Variants in YIPF3 observed in about 807,000 individuals in gnomAD.
YIPF3 encodes protein YIPF3.
Under a neutral mutation model 40.3 loss-of-function variants are expected in YIPF3, and 18 were observed. That is an observed-to-expected ratio of 0.45 (90% CI 0.31 to 0.66). The LOEUF is 0.66. YIPF3 is among the 30% of genes least tolerant of loss of function. The pLI is 0.07. For missense variants in YIPF3, 406 were observed against 452.2 expected (o/e 0.90, Z 0.93); for synonymous variants, 190 against 179.6 (o/e 1.06, Z -0.46).
chr6:43,514,951 T>G (rs192477820), intron 3 of YIPF3, among the ~76,000 whole-genome samples: 5 of 151,850 alleles, frequency 3.3e-5, no homozygotes, highest in African/African-American at 1.2e-4. Flanking sequence ...TAAGAAAGGA[T>G]AGCAGTGGTG....
chr6:43,513,953 A>T (rs547292811), intron 3 of YIPF3: 1 of 239,314 alleles, frequency 4.2e-6, no homozygotes, highest in East Asian at 8.2e-5. Flanking sequence ...CCTTGAAAAG[A>T]CAGGCAGGCT....
Position 43,513,139 on chromosome 6 carries a change from G to A in YIPF3, c.596C>T (p.Ser199Leu). 1 of 1,614,182 alleles carries A rather than the reference G, an allele frequency of 6.2e-7. No individual in the cohort carries two copies. ...GTCFGYWLGV[S>L]SFIYFLAYLC... ...GTAGGCAAGGAAGTAAATGAAGGAT[G>A]AGACTCCCAGCCAGTAGCCGAAGCA... is the stretch of plus-strand genomic sequence containing the variant. Residue 199 changes from serine to leucine, a missense_variant, in exon 6 of 9, where the codon TCA becomes TTA. By Grantham distance (145) the Ser-to-Leu change is moderately radical (BLOSUM62 -2). Coordinates refer to ENST00000372422, the MANE Select transcript of YIPF3 (RefSeq NM_015388.4).
Position 43,513,302 on chromosome 6 carries a change from C to T in YIPF3, c.534+57G>A, listed in dbSNP as rs557741369. ...TCCTGTCTCACTCCACCATTGTATCCTCAGGCAGCTTTCAACCTAGTGCAG... is the reference window on the plus strand; with the variant it reads ...TCCTGTCTCACTCCACCATTGTATCTTCAGGCAGCTTTCAACCTAGTGCAG... On this transcript the variant is annotated intron_variant, in intron 5 of 8. Coordinates refer to ENST00000372422, the MANE Select transcript of YIPF3 (RefSeq NM_015388.4). 2.6e-5 allele frequency: 42 copies of T among 1,613,446 alleles called. No individual in the cohort carries two copies. In the African/African-American group the frequency reaches 4.9e-4, roughly 19 times the overall value.
At chr6:43,512,735 C>A (rs762072025) in intron 7 of YIPF3, 26 bp downstream of exon 7, 1 of 1,605,200 alleles carries the variant, frequency 6.2e-7, no homozygotes, top group Admixed American at 1.7e-5. Context: ...GACAGCCCAC[C>A]CCTGGAAGCC....
Position 43,512,050 on chromosome 6 carries a change from A to G in YIPF3, c.*117T>C. On this transcript the variant is annotated 3_prime_UTR_variant, in exon 9 of 9. Coordinates refer to ENST00000372422, the MANE Select transcript of YIPF3 (RefSeq NM_015388.4). ...ATCAAGGAGGTACTTACGCAGCTACAGCTCAGTGGCAGCTGCAAACCCCAT... is the reference window on the plus strand; with the variant it reads ...ATCAAGGAGGTACTTACGCAGCTACGGCTCAGTGGCAGCTGCAAACCCCAT... The G allele has an allele frequency of 6.8e-7, 1 of 1,480,600 alleles. No individual in the cohort carries two copies. Among genetic ancestry groups the G allele is most frequent in the Non-Finnish European group, 9.2e-7 (1 of 1,089,678 alleles). 91.7% of individuals were successfully genotyped at this position (1,480,600 alleles called of 1,614,324 possible).
Position 43,512,668 on chromosome 6 carries a change from T to C in YIPF3, c.780+93A>G, listed in dbSNP as rs1792697317. ...ACCATCTTTGGGCTCTTCCCTCCCA[T>C]TTAGGGCTCTTTGTGAGATGGACAG... is the stretch of plus-strand genomic sequence containing the variant. On this transcript the variant is annotated intron_variant, in intron 7 of 8. Coordinates refer to ENST00000372422, the MANE Select transcript of YIPF3 (RefSeq NM_015388.4). The C allele has an allele frequency of 1.9e-6, 3 of 1,546,454 alleles. No homozygotes were observed. The Admixed American group carries it at 5.9e-5, about 30-fold the overall frequency.
chr6:43,516,319 T>C (rs1792828474), intron 1 of YIPF3: 3 of 1,038,772 alleles, frequency 2.9e-6, no homozygotes, highest in Non-Finnish European at 4.0e-6. Context: ...TCCATTCATG[T>C]CTTTCTCCTA....
At chr6:43,516,539 CAGGCTGGAGTAGT>C (rs1172224721) in intron 1 of YIPF3, 175 bp downstream of exon 1, 2 of 679,644 alleles carry the variant, frequency 2.9e-6, no homozygotes, top group African/African-American at 1.8e-5. Context: ...CCGAGATCCT[CAGGCTGGAGTAGT>C]AGTCTGGCCC....
chr6:43,516,422 G>A (rs1191665979), intron 1 of YIPF3: 1 of 616,018 alleles, frequency 1.6e-6, no homozygotes, highest in Non-Finnish European at 2.7e-6. Flanking sequence ...TGTTTTCAGC[G>A]AATGCCAGTG....
Position 43,513,360 on chromosome 6 carries a change from A to G in YIPF3, c.533T>C (p.Ile178Thr). 1 of 1,614,176 alleles carries G rather than the reference A, an allele frequency of 6.2e-7. No homozygotes were observed. The highest frequency in any genetic ancestry group is 8.5e-7 in the Non-Finnish European group (1 of 1,180,008). The change falls in exon 5 of 9, where the codon ATC becomes ACC. Residue 178 changes from isoleucine (I) to threonine (T), a missense_variant and splice_region_variant. Transcript: ENST00000372422. ...LHGMKTSDTI[I>T]REGTLMGTAI... Reference sequence around the variant, plus strand: ...CCCAAAGTTGTCTGTCCTGCTTACGATAATAGTGTCAGACGTCTTCATCCC... The same window carrying G: ...CCCAAAGTTGTCTGTCCTGCTTACGGTAATAGTGTCAGACGTCTTCATCCC...
Position 43,512,079 on chromosome 6 carries a change from C to G in YIPF3, c.*88G>C. 1.3e-6 allele frequency: 2 copies of G among 1,568,538 alleles called. No individual in the cohort carries two copies. Among genetic ancestry groups the G allele is most frequent in the South Asian group, 2.4e-5 (2 of 84,612 alleles). On this transcript the variant is annotated 3_prime_UTR_variant, in exon 9 of 9. Transcript: ENST00000372422. The stretch of plus-strand genomic sequence containing the variant: ...CAGTGGCAGCTGCAAACCCCATCTA[C>G]GAAACATGTCATCAGGACTGTCCTT...
At position 43,513,337 on chromosome 6, in the gene YIPF3, C is replaced by G. The variant is rs753382065; in HGVS notation, c.534+22G>C. 5 of 1,613,942 alleles carry G rather than the reference C, an allele frequency of 3.1e-6. No individual in the cohort carries two copies. The Admixed American group carries it at 6.7e-5, about 22-fold the overall frequency. On this transcript the variant is annotated intron_variant, in intron 5 of 8. Transcript: ENST00000372422. Reference sequence around the variant, plus strand: ...TTTCAACCTAGTGCAGCCACCCCCCCAAAGTTGTCTGTCCTGCTTACGATA... The same window carrying G: ...TTTCAACCTAGTGCAGCCACCCCCCGAAAGTTGTCTGTCCTGCTTACGATA...
Position 43,512,019 on chromosome 6 carries a change from A to T in YIPF3, c.*148T>A. ...GGCCTTGTGCCTTTCAGAAGTGCCG[A>T]CAGGCATCAAGGAGGTACTTACGCA... On this transcript the variant is annotated 3_prime_UTR_variant, in exon 9 of 9. Coordinates refer to ENST00000372422, the MANE Select transcript of YIPF3 (RefSeq NM_015388.4). 7.8e-7 allele frequency: 1 copy of T among 1,286,164 alleles called. No individual in the cohort carries two copies. 79.7% of individuals were successfully genotyped at this position (1,286,164 alleles called of 1,614,324 possible). A position where few individuals can be genotyped will look rare whatever the true frequency, so the allele number is the denominator to read the frequency against.
intron 3 of YIPF3, among the ~76,000 whole-genome samples, chr6:43,514,573 C>A (rs1379164415): frequency 6.6e-6 from 1 of 152,190 alleles, no homozygotes; most frequent in African/African-American, 2.4e-5. Flanking sequence ...TCCCACCCAC[C>A]AACCTGCTTT....
In YIPF3 at chr6:43,516,175, C is replaced by T. The variant is rs1008250221; in HGVS notation, c.82-80G>A. On this transcript the variant is annotated intron_variant, in intron 1 of 8. Transcript: ENST00000372422. Reference sequence around the variant, plus strand: ...CCTCTGCTCATCCCAGGGTTTAGGGCTTTGTTCTTCCACTGCTGAGGATAC... The same window carrying T: ...CCTCTGCTCATCCCAGGGTTTAGGGTTTTGTTCTTCCACTGCTGAGGATAC... 4 of 1,575,982 alleles carry T rather than the reference C, an allele frequency of 2.5e-6. No homozygotes were observed. In the African/African-American group the frequency reaches 5.4e-5, roughly 21 times the overall value.
rs768909053 is a variant in YIPF3, at chr6:43,515,965, G to GCAGCTGCAT, written c.203_211dup (p.Asp68_Ala70dup). On this transcript the variant is annotated inframe_insertion, in exon 2 of 9. Transcript: ENST00000372422. Reference sequence around the variant, plus strand: ...GAACTCTCCATCCTCCTCTTCAGCAGCAGCTGCATCAGCTGCATCAGCGTC... The same window carrying GCAGCTGCAT: ...GAACTCTCCATCCTCCTCTTCAGCAGCAGCTGCATCAGCTGCATCAGCTGCATCAGCGTC... The GCAGCTGCAT allele has an allele frequency of 1.2e-4, 187 of 1,613,948 alleles. No individual in the cohort carries two copies. The highest frequency in any genetic ancestry group is 4.7e-4 in the East Asian group (21 of 44,902).
intron 6 of YIPF3, 88 bp downstream of exon 6, chr6:43,512,978 ATTC>A: frequency 6.3e-7 from 1 of 1,594,368 alleles, no homozygotes; most frequent in Non-Finnish European, 8.6e-7. Context: ...TACTCCTCCC[ATTC>A]CAGGCTTTGG....
intron 5 of YIPF3, 50 bp downstream of exon 5, chr6:43,513,306 GGCA>G: frequency 1.2e-6 from 2 of 1,613,518 alleles, no homozygotes; most frequent in Non-Finnish European, 8.5e-7. Context: ...TGTATCCTCA[GGCA>G]GCTTTCAACC....
chr6:43,511,939 C>T lies in YIPF3; in HGVS notation c.*228G>A, dbSNP rs1421020987. On this transcript the variant is annotated 3_prime_UTR_variant, in exon 9 of 9. Coordinates refer to ENST00000372422, the MANE Select transcript of YIPF3 (RefSeq NM_015388.4). ...AGGTGGGGAGGGGTTCTCAAAGGAG[C>T]TGACCCATTTTCTGCATTGGCTGCA... 3.4e-6 allele frequency: 2 copies of T among 593,638 alleles called. No homozygotes were observed. Among genetic ancestry groups the T allele is most frequent in the African/African-American group, 1.9e-5 (1 of 52,130 alleles). The allele number at this position is 593,638 out of a possible 1,614,324, so 36.8% of individuals were successfully genotyped here.
Sources: allele counts gnomAD v4.1 joint callset (sites outside exome capture counted in the v4.1 genomes callset), GRCh38; gene constraint gnomAD v4.1.1; transcripts MANE v1.5; gene names NCBI Gene and HGNC (gene_info 2026-07-23, HGNC 2026-07-21).